The following KCTD13 variants were observed in gnomAD, a reference collection of about 807,000 sequenced individuals.
KCTD13 encodes potassium channel tetramerization domain containing 13.
A neutral mutation model predicts 32.3 loss-of-function variants in KCTD13; 15 were observed. The observed-to-expected ratio is 0.46, with a 90% CI of 0.31 to 0.71. The LOEUF is 0.71. Among genes scored for constraint, KCTD13 ranks in the 30% least tolerant of loss-of-function variants. KCTD13 has a pLI of 0.05. For missense variants in KCTD13, 337 were observed against 452.6 expected (o/e 0.74, Z 2.32); for synonymous variants, 189 against 200.1 (o/e 0.94, Z 0.47).
chr16:29,921,234 A>G (rs1048421402), intron 2 of KCTD13: 2 of 152,184 alleles, frequency 1.3e-5, no homozygotes, highest in Non-Finnish European at 2.9e-5. Flanking sequence ...GTATCAAAAC[A>G]TTAAAATTGG....
At chr16:29,907,381 G>A (rs2068631777) in intron 5 of KCTD13, among the ~76,000 whole-genome samples, 1 of 152,188 alleles carries the variant, frequency 6.6e-6, no homozygotes, top group African/African-American at 2.4e-5. Flanking sequence ...TACTGAGTGA[G>A]TGCACTGCAC....
intron 1 of KCTD13, among the ~76,000 whole-genome samples, chr16:29,923,849 C>G (rs990742938): frequency 6.6e-6 from 1 of 150,390 alleles, no homozygotes; most frequent in Non-Finnish European, 1.5e-5. Flanking sequence ...AGGGAAACTC[C>G]GTCTCAAAAC....
At chr16:29,925,616 T>G (rs2068980907) in intron 1 of KCTD13, 174 bp downstream of exon 1, 2 of 643,720 alleles carry the variant, frequency 3.1e-6, no homozygotes, top group East Asian at 2.8e-5. Flanking sequence ...AGAAGAGAAA[T>G]TATGAATGAG....
intron 2 of KCTD13, among the ~76,000 whole-genome samples, chr16:29,917,333 A>G (rs954532598): frequency 6.6e-6 from 1 of 152,128 alleles, no homozygotes; most frequent in Non-Finnish European, 1.5e-5. Context: ...TAAAATACCC[A>G]TATATGAAAA....
At position 29,906,609 on chromosome 16, in the gene KCTD13, T is replaced by C; in HGVS notation, c.*263A>G. 1.6e-6 allele frequency: 1 copy of C among 642,592 alleles called. No individual in the cohort carries two copies. Among genetic ancestry groups the C allele is most frequent in the Non-Finnish European group, 2.9e-6 (1 of 345,494 alleles). The allele number at this position is 642,592 out of a possible 1,614,324, so 39.8% of individuals were successfully genotyped here. A position where few individuals can be genotyped will look rare whatever the true frequency, so the allele number is the denominator to read the frequency against. On this transcript the variant is annotated 3_prime_UTR_variant, in exon 6 of 6. Coordinates refer to ENST00000568000, the MANE Select transcript of KCTD13 (RefSeq NM_178863.5). ...GAATTCTAAATCCCTCTTAACCAGCTGGAGAGGGAAGGACGCAGGGCCAGG... is the reference window on the plus strand; with the variant it reads ...GAATTCTAAATCCCTCTTAACCAGCCGGAGAGGGAAGGACGCAGGGCCAGG...
chr16:29,917,458 C>T (rs774725507), intron 2 of KCTD13, among the ~76,000 whole-genome samples: 24 of 152,096 alleles, frequency 1.6e-4, no homozygotes, highest in Non-Finnish European at 3.2e-4. Context: ...ACCAGCTTGA[C>T]CAACATGGCA....
intron 5 of KCTD13, among the ~76,000 whole-genome samples, chr16:29,907,320 C>T (rs1286004095): frequency 2.0e-5 from 3 of 152,178 alleles, no homozygotes; most frequent in Non-Finnish European, 4.4e-5. Context: ...GTTTTCTCTC[C>T]TTCATCTCCT....
At chr16:29,918,149 TA>T (rs1229570137) in intron 2 of KCTD13, among the ~76,000 whole-genome samples, 1 of 152,248 alleles carries the variant, frequency 6.6e-6, no homozygotes, top group Non-Finnish European at 1.5e-5. Context: ...AAAAGACTTA[TA>T]GGTATTCTGT....
In KCTD13 at chr16:29,906,981, C is replaced by T. The variant is rs781329570; in HGVS notation, c.881G>A (p.Arg294His). The part of the protein sequence containing the change: ...GGAAGAGGAG[R>H]GEDEENREHR... ...CTCTCGGTTCTCTTCATCCTCCCCGCGGCCAGCCCCACCAGCTCCAGCTGC... is the reference window on the plus strand; with the variant it reads ...CTCTCGGTTCTCTTCATCCTCCCCGTGGCCAGCCCCACCAGCTCCAGCTGC... The change falls in exon 6 of 6, where the codon CGC becomes CAC. Residue 294 changes from arginine (R) to histidine (H), a missense_variant. Coordinates refer to ENST00000568000, the MANE Select transcript of KCTD13 (RefSeq NM_178863.5). 4.0e-5 allele frequency: 64 copies of T among 1,614,062 alleles called. 1 individual carries two copies. The East Asian group carries it at 1.3e-3, about 32-fold the overall frequency.
At chr16:29,920,681 G>T (rs951195573) in intron 2 of KCTD13, 1 of 152,208 alleles carries the variant, frequency 6.6e-6, no homozygotes, top group Non-Finnish European at 1.5e-5. Context: ...GCATGCAAAT[G>T]AAAATGAGAT....
chr16:29,912,202 T>C (rs760172581), intron 2 of KCTD13, 153 bp from the exon 3 acceptor site: 1 of 655,782 alleles, frequency 1.5e-6, no homozygotes, highest in Non-Finnish European at 2.7e-6. Flanking sequence ...TCTCTGCCAC[T>C]CTCCCTTTGC....
chr16:29,913,842 ATTTTT>A, intron 2 of KCTD13: 1 of 152,044 alleles, frequency 6.6e-6, no homozygotes, highest in East Asian at 1.9e-4. Context: ...TGTCTTTTTT[ATTTTT>A]GAGATGGAGT....
intron 5 of KCTD13, among the ~76,000 whole-genome samples, chr16:29,908,925 C>A (rs1348152236): frequency 6.6e-6 from 1 of 151,806 alleles, no homozygotes; most frequent in African/African-American, 2.4e-5. Flanking sequence ...AAACTCCTGG[C>A]CTTAATGGTC....
rs549566388 is a variant in KCTD13, at chr16:29,907,058, G to T, written c.804C>A (p.Ile268=). 81 of 1,613,582 alleles carry T rather than the reference G, an allele frequency of 5.0e-5. 3 individuals are homozygous for T. The South Asian group carries it at 8.7e-4, about 17-fold the overall frequency. ...GGTCTGGGCCCCGGGGAGTCTCGTAGATGAGGATGTTCAGGGTCTCCTCGA... is the reference window on the plus strand; with the variant it reads ...GGTCTGGGCCCCGGGGAGTCTCGTATATGAGGATGTTCAGGGTCTCCTCGA... The part of the protein sequence containing the change: ...RIFEETLNIL[I]YETPRGPDPA... The change falls in exon 6 of 6, where the codon ATC becomes ATA. Residue 268 remains isoleucine (I), a synonymous_variant. Transcript: ENST00000568000.
chr16:29,906,638 G>C lies in KCTD13; in HGVS notation c.*234C>G. 2 of 670,424 alleles carry C rather than the reference G, an allele frequency of 3.0e-6. No homozygotes were observed. 41.5% of individuals were successfully genotyped at this position (670,424 alleles called of 1,614,324 possible). A position where few individuals can be genotyped will look rare whatever the true frequency, so the allele number is the denominator to read the frequency against. ...GAGGGAAGGACGCAGGGCCAGGGTG[G>C]GGACAAGTGTTGGCTTCGGAAGGCT... On this transcript the variant is annotated 3_prime_UTR_variant, in exon 6 of 6. Transcript: ENST00000568000.
At chr16:29,909,313 C>A (rs1368523893) in intron 5 of KCTD13, among the ~76,000 whole-genome samples, 1 of 152,078 alleles carries the variant, frequency 6.6e-6, no homozygotes, top group African/African-American at 2.4e-5. Context: ...TAGCTTGAGT[C>A]TTAAGATTAA....
intron 2 of KCTD13, 64 bp downstream of exon 2, chr16:29,923,126 G>A (rs1442372902): frequency 1.3e-6 from 2 of 1,561,124 alleles, no homozygotes; most frequent in African/African-American, 1.4e-5. Flanking sequence ...CCTTTTTTCT[G>A]CTCTAATACC....
intron 1 of KCTD13, 76 bp downstream of exon 1, chr16:29,925,714 G>T: frequency 7.0e-7 from 1 of 1,436,302 alleles, no homozygotes. Context: ...GGCATGAGGA[G>T]CCCCGGTGGT....
chr16:29,906,983 GCCAGCCCCA>G lies in KCTD13; in HGVS notation c.870_878del (p.Gly291_Gly293del). 6.2e-7 allele frequency: 1 copy of G among 1,614,162 alleles called. No individual in the cohort carries two copies. The highest frequency in any genetic ancestry group is 8.5e-7 in the Non-Finnish European group (1 of 1,180,030). On this transcript the variant is annotated inframe_deletion, in exon 6 of 6. Transcript: ENST00000568000. ...CTCGGTTCTCTTCATCCTCCCCGCG[GCCAGCCCCA>G]CCAGCTCCAGCTGCTCCCCCTGTGG...
Sources: allele counts gnomAD v4.1 joint callset (sites outside exome capture counted in the v4.1 genomes callset), GRCh38; gene constraint gnomAD v4.1.1; transcripts MANE v1.5; gene names NCBI Gene and HGNC (gene_info 2026-07-23, HGNC 2026-07-21).